The following HYDIN variants were observed in gnomAD, a reference collection of about 807,000 sequenced individuals.
HYDIN encodes axonemal central pair apparatus protein HYDIN.
HYDIN carries 132 observed loss-of-function variants against 403.9 expected under a neutral mutation model. The observed-to-expected ratio is 0.33, with a 90% CI of 0.28 to 0.38. The LOEUF is 0.38. HYDIN is among the 10% of genes least tolerant of loss of function. The probability of loss-of-function intolerance (pLI) is 1.00; values close to 1 mark genes in which losing one functional copy is unlikely to be tolerated. For missense variants in HYDIN, 2,827 were observed against 5,009.5 expected, an observed-to-expected ratio of 0.56 and a Z score of 13.15; for synonymous variants, 1,202 against 1,891.7, an observed-to-expected ratio of 0.64 and a Z score of 9.46.
At chr16:70,934,192 G>A (rs2077433165) in intron 45 of HYDIN, among the ~76,000 whole-genome samples, 1 of 152,076 alleles carries the variant, frequency 6.6e-6, no homozygotes, top group Admixed American at 6.6e-5. Context: ...GGATTCGAGG[G>A]AGTGGTGGAG....
chr16:70,848,967 A>G (rs2038416611), intron 75 of HYDIN, among the ~76,000 whole-genome samples: 1 of 151,118 alleles, frequency 6.6e-6, no homozygotes, highest in South Asian at 2.1e-4. Flanking sequence ...GCAGTGTTAA[A>G]CAATTACAAC....
chr16:70,927,944 G>T (rs2077202661), intron 45 of HYDIN, among the ~76,000 whole-genome samples: 1 of 148,986 alleles, frequency 6.7e-6, no homozygotes, highest in African/African-American at 2.5e-5. Flanking sequence ...CAAAGAACCT[G>T]TACCTAAAAA....
intron 74 of HYDIN, 139 bp downstream of exon 74, chr16:70,850,309 G>C (rs1447062009): frequency 1.2e-6 from 1 of 844,664 alleles, no homozygotes; most frequent in Non-Finnish European, 1.8e-6. Flanking sequence ...TCTGGGGATA[G>C]AGCTGCTCTT....
intron 9 of HYDIN, among the ~76,000 whole-genome samples, chr16:71,126,923 C>A (rs959175778): frequency 5.3e-5 from 8 of 152,050 alleles, no homozygotes; most frequent in African/African-American, 1.9e-4. Context: ...GTAAAAAGCA[C>A]CCTTGGCTTG....
rs762739692 is a variant in HYDIN at position 70,920,602 on chromosome 16, T to G, written c.7774A>C (p.Lys2592Gln). The change falls in exon 46 of 86, where the codon AAA becomes CAA. Residue 2592 changes from lysine to glutamine, a missense_variant. Coordinates refer to ENST00000393567, the MANE Select transcript of HYDIN (RefSeq NM_001270974.2). ...KQALESDKLP[K>Q]GEQILDILGL... ...AGGAGAGTCCATACCTGCTCTCCTT[T>G]GGGAAGCTTGTCGCTCTCTAGGGCC... 1.9e-5 allele frequency: 30 copies of G among 1,612,898 alleles called. No homozygotes were observed. The Middle Eastern group carries it at 5.0e-4, about 27-fold the overall frequency.
chr16:71,107,988 T>C (rs1004582756), intron 10 of HYDIN, among the ~76,000 whole-genome samples: 3 of 152,030 alleles, frequency 2.0e-5, no homozygotes, highest in Admixed American at 6.6e-5. Context: ...TACGCAGCCA[T>C]AAAAAAGAAT....
At chr16:70,922,143 C>T (rs1182588757) in intron 45 of HYDIN, among the ~76,000 whole-genome samples, 1 of 152,190 alleles carries the variant, frequency 6.6e-6, no homozygotes, top group Non-Finnish European at 1.5e-5. Flanking sequence ...TGGCTTTTCC[C>T]CTCATCTTGC....
chr16:70,908,735 C>T lies in HYDIN; in HGVS notation c.8131G>A (p.Glu2711Lys), dbSNP rs374390012. Residue 2711 changes from glutamate (E) to lysine (K), a missense_variant, in exon 48 of 86, where the codon GAA becomes AAA. Physicochemically the swap from Glu to Lys is moderately conservative, Grantham distance 56 (BLOSUM62 1). Coordinates refer to ENST00000393567, the MANE Select transcript of HYDIN (RefSeq NM_001270974.2). ...MALNRKVLSG[E>K]PAGTISQLSD... is the part of the protein sequence containing the mutation. ...AGCTGGGAAATGGTTCCAGCAGGTT[C>T]CCCAGAAAGGACCTTCCTGTTTAAG... 2.5e-5 allele frequency: 41 copies of T among 1,613,876 alleles called. No individual in the cohort carries two copies. The highest frequency in any genetic ancestry group is 1.2e-4 in the Admixed American group (7 of 59,986).
intron 18 of HYDIN, among the ~76,000 whole-genome samples, chr16:71,039,321 A>C (rs1198039583): frequency 6.6e-6 from 1 of 152,114 alleles, no homozygotes; most frequent in African/African-American, 2.4e-5. Context: ...TATTTTCCAA[A>C]CTTCCCATCC....
chr16:71,172,169 C>T (rs2086491532), intron 5 of HYDIN, among the ~76,000 whole-genome samples: 1 of 152,124 alleles, frequency 6.6e-6, no homozygotes, highest in Non-Finnish European at 1.5e-5. Context: ...TTCATAGTGA[C>T]AAACTGGAAA....
chr16:70,900,926 G>A (rs1259687013), intron 53 of HYDIN, 78 bp downstream of exon 53: 9 of 507,874 alleles, frequency 1.8e-5, no homozygotes, highest in Non-Finnish European at 3.1e-5. Flanking sequence ...GTGTGTGTGT[G>A]TGTGTGTGTG....
Position 70,860,061 on chromosome 16 carries a change from C to T in HYDIN, c.12129+7G>A, listed in dbSNP as rs2039309635. On this transcript the variant is annotated splice_region_variant and intron_variant, in intron 71 of 85. Transcript: ENST00000393567. Reference sequence around the variant, plus strand: ...CCTTGGGTTGAGTGGTTCTCATCTGCACATACCTCGGCTTTCTTTTCAGGG... The same window carrying T: ...CCTTGGGTTGAGTGGTTCTCATCTGTACATACCTCGGCTTTCTTTTCAGGG... 6.2e-7 allele frequency: 1 copy of T among 1,606,212 alleles called. No individual in the cohort carries two copies.
rs1466319734 is a variant in HYDIN, at chr16:70,846,811, TC to T, written c.12873+2914del. On this transcript the variant is annotated intron_variant, in intron 75 of 85. Coordinates refer to ENST00000393567, the MANE Select transcript of HYDIN (RefSeq NM_001270974.2). ...CCATTATGTAATGGCCTTCTTTGTC[TC>T]TTTTGATCTTTGTTGGTTTAAAGTC... Among the ~76,000 whole-genome samples, 98 of 84,286 alleles carry T rather than the reference TC, an allele frequency of 1.2e-3. 2 individuals are homozygous for T. Among genetic ancestry groups the T allele is most frequent in the Non-Finnish European group, 1.6e-3 (66 of 41,544 alleles). The allele number at this position is 84,286 out of a possible 152,430, so 55.3% of individuals were successfully genotyped here. A position where few individuals can be genotyped will look rare whatever the true frequency, so the allele number is the denominator to read the frequency against.
chr16:71,042,919 T>C (rs906208125), intron 18 of HYDIN, among the ~76,000 whole-genome samples: 3 of 151,564 alleles, frequency 2.0e-5, no homozygotes, highest in African/African-American at 4.9e-5. Context: ...TCTCCTGTGT[T>C]TGAGCCCCTG....
chr16:70,828,602 T>C (rs2036750123), intron 81 of HYDIN, among the ~76,000 whole-genome samples, 173 bp from the exon 82 acceptor site: 2 of 150,852 alleles, frequency 1.3e-5, no homozygotes, highest in African/African-American at 4.9e-5. Context: ...TGTTCATATG[T>C]ATCCGAGCCA....
intron 75 of HYDIN, among the ~76,000 whole-genome samples, chr16:70,844,978 G>A (rs1193557818): frequency 3.6e-5 from 4 of 111,866 alleles, no homozygotes; most frequent in South Asian, 3.1e-4. Context: ...CAATCATGTC[G>A]TCTGCAAACA....
chr16:71,190,709 C>T (rs564169854), intron 1 of HYDIN, among the ~76,000 whole-genome samples: 3 of 152,232 alleles, frequency 2.0e-5, no homozygotes, highest in Admixed American at 1.3e-4. Flanking sequence ...CTGACAACAC[C>T]GGAGTCCTCT....
chr16:71,039,931 C>T (rs530731072), intron 18 of HYDIN, among the ~76,000 whole-genome samples: 1 of 152,334 alleles, frequency 6.6e-6, no homozygotes, highest in African/African-American at 2.4e-5. Flanking sequence ...GCTGTTAACA[C>T]CTAAGGTGTC....
intron 18 of HYDIN, among the ~76,000 whole-genome samples, chr16:71,055,831 A>C (rs1261809887): frequency 6.6e-6 from 1 of 152,060 alleles, no homozygotes; most frequent in African/African-American, 2.4e-5. Context: ...AAGGTAGCCA[A>C]GGCTGAATTA....
Sources: gnomAD v4.1 joint callset for allele counts (sites outside exome capture counted in the v4.1 genomes callset) on GRCh38, gnomAD v4.1.1 for gene constraint, MANE v1.5 for transcripts, NCBI Gene and HGNC (gene_info 2026-07-23, HGNC 2026-07-21) for gene names.